Variants in NUP58 observed in about 807,000 individuals in gnomAD.
NUP58 encodes the protein nucleoporin p58/p45.
Under a neutral mutation model 70.1 loss-of-function variants are expected in NUP58, and 17 were observed. The ratio of observed to expected loss-of-function variants is 0.24; its 90% confidence interval spans 0.17 to 0.36. The LOEUF (loss-of-function observed/expected upper bound fraction) is 0.36, where lower values mean the gene tolerates loss of function less well. Among genes scored for constraint, NUP58 ranks in the 10% least tolerant of loss-of-function variants. The pLI is 1.00. For missense variants in NUP58, 644 were observed against 701.5 expected (o/e 0.92, Z 0.93); for synonymous variants, 275 against 257.6 (o/e 1.07, Z -0.65).
chr13:25,330,089 A>G (rs865774748), intron 12 of NUP58, among the ~76,000 whole-genome samples: 1 of 152,188 alleles, frequency 6.6e-6, no homozygotes, highest in South Asian at 2.1e-4. Context: ...AGACCTCCCT[A>G]AGGGCTGGGA....
Position 25,320,689 on chromosome 13 carries a change from A to T in NUP58, c.776+94A>T, listed in dbSNP as rs118044867. 301 of 918,664 alleles carry T rather than the reference A, an allele frequency of 3.3e-4. 2 individuals carry two copies. The East Asian group carries it at 7.8e-3, about 24-fold the overall frequency. The allele number at this position is 918,664 out of a possible 1,614,324, so 56.9% of individuals were successfully genotyped here. A position where few individuals can be genotyped will look rare whatever the true frequency, so the allele number is the denominator to read the frequency against. On this transcript the variant is annotated intron_variant, in intron 8 of 15. Coordinates refer to ENST00000381736, the MANE Select transcript of NUP58 (RefSeq NM_014089.4). The stretch of plus-strand genomic sequence containing the variant: ...TCTTCCTCCTAAAATCGCATCCTAG[A>T]GGAGCATCTCTTAACTAGGGTTAAA...
chr13:25,327,113 A>C, intron 11 of NUP58, 79 bp downstream of exon 11: 1 of 778,334 alleles, frequency 1.3e-6, no homozygotes, highest in East Asian at 2.6e-5. Flanking sequence ...GGTATTTTGG[A>C]TAACTACTGG....
chr13:25,302,002 A>G, intron 1 of NUP58, 122 bp downstream of exon 1: 1 of 681,364 alleles, frequency 1.5e-6, no homozygotes, highest in South Asian at 1.9e-5. Flanking sequence ...GCTGGAGAGA[A>G]GCACTTAATC....
downstream of NUP58, among the ~76,000 whole-genome samples, chr13:25,346,137 A>T (rs992249838): frequency 6.6e-6 from 1 of 152,222 alleles, no homozygotes; most frequent in Non-Finnish European, 1.5e-5. Context: ...ATATAAATAC[A>T]TATGGGTAGG....
chr13:25,325,472 T>C (rs1169550438), intron 10 of NUP58, among the ~76,000 whole-genome samples: 1 of 152,230 alleles, frequency 6.6e-6, no homozygotes, highest in Non-Finnish European at 1.5e-5. Flanking sequence ...TCACTCAGCT[T>C]GTATATATAC....
chr13:25,343,862 C>A (rs769340060), downstream of NUP58, among the ~76,000 whole-genome samples: 2 of 129,186 alleles, frequency 1.5e-5, no homozygotes, highest in Non-Finnish European at 3.2e-5. Context: ...CACATACATA[C>A]ACACACACAC....
intron 15 of NUP58, among the ~76,000 whole-genome samples, chr13:25,339,376 T>G (rs2137839332): frequency 6.6e-6 from 1 of 152,334 alleles, no homozygotes; most frequent in East Asian, 1.9e-4. Flanking sequence ...GCGTTTAAAA[T>G]CAGCAGTTCC....
Position 25,301,868 on chromosome 13 carries a change from C to T in NUP58, c.95C>T (p.Thr32Met), listed in dbSNP as rs145750901. The stretch of plus-strand genomic sequence containing the variant: ...ACAGGCGGCGTTTTCTCCTTCGGAA[C>T]GGGAGCGTCTAGGTAACCGCACTTT... ...TSTGGVFSFG[T>M]GASSNPSVGL... The change falls in exon 1 of 16, where the codon ACG (threonine) becomes ATG (methionine). Residue 32 changes from threonine to methionine, a missense_variant. Transcript: ENST00000381736. 36 of 1,612,240 alleles carry T rather than the reference C, an allele frequency of 2.2e-5. No individual in the cohort carries two copies. In the African/African-American group the frequency reaches 4.3e-4, roughly 19 times the overall value.
At position 25,315,279 on chromosome 13, in the gene NUP58, G is replaced by A. The variant is rs1380434879; in HGVS notation, c.575-78G>A. 1.1e-5 allele frequency: 11 copies of A among 976,480 alleles called. No homozygotes were observed. In the Admixed American group the frequency reaches 1.6e-4, roughly 14 times the overall value. The allele number at this position is 976,480 out of a possible 1,614,324, so 60.5% of individuals were successfully genotyped here. On this transcript the variant is annotated intron_variant, in intron 5 of 15. Coordinates refer to ENST00000381736, the MANE Select transcript of NUP58 (RefSeq NM_014089.4). ...GAAAATCTAGGATCCAACTTTAAAA[G>A]CATTAGAGTCCTTTGATCAGTAAGG...
chr13:25,307,680 T>C (rs1413070373), intron 1 of NUP58, 126 bp from the exon 2 acceptor site: 20 of 854,492 alleles, frequency 2.3e-5, no homozygotes, highest in Middle Eastern at 3.3e-4. Flanking sequence ...GACAATGTAT[T>C]AGATATGTTA....
intron 3 of NUP58, among the ~76,000 whole-genome samples, chr13:25,312,469 G>A (rs1311956859): frequency 6.6e-6 from 1 of 152,134 alleles, no homozygotes; most frequent in African/African-American, 2.4e-5. Context: ...CCAGGTTCAA[G>A]TGACTCTCGT....
intron 5 of NUP58, among the ~76,000 whole-genome samples, chr13:25,314,657 T>G (rs1323512926): frequency 6.6e-6 from 1 of 152,134 alleles, no homozygotes; most frequent in Non-Finnish European, 1.5e-5. Flanking sequence ...ATCATGCCAT[T>G]GCACTCCAGC....
chr13:25,334,916 A>C, intron 13 of NUP58: 1 of 985,024 alleles, frequency 1.0e-6, no homozygotes, highest in South Asian at 4.7e-5. Context: ...TTATGGAAAT[A>C]AGAACCTCTC....
chr13:25,326,081 A>G (rs1463943756), intron 10 of NUP58, among the ~76,000 whole-genome samples: 2 of 152,162 alleles, frequency 1.3e-5, no homozygotes, highest in Non-Finnish European at 2.9e-5. Flanking sequence ...AAAGTACTTC[A>G]GTGGATATTT....
At chr13:25,307,314 G>A (rs1395431902) in intron 1 of NUP58, among the ~76,000 whole-genome samples, 1 of 143,162 alleles carries the variant, frequency 7.0e-6, no homozygotes, top group Non-Finnish European at 1.5e-5. Flanking sequence ...CCGGGTTCAA[G>A]CAATTCTCCT....
At position 25,325,794 on chromosome 13, in the gene NUP58, A is replaced by ATT. The variant is rs546666780; in HGVS notation, c.1031+726_1031+727insTT. Among the ~76,000 whole-genome samples, 73 of 152,264 alleles carry ATT rather than the reference A, an allele frequency of 4.8e-4. 1 individual carries two copies. The highest frequency in any genetic ancestry group is 4.6e-3 in the East Asian group (24 of 5,174). On this transcript the variant is annotated intron_variant, in intron 10 of 15. Transcript: ENST00000381736. ...TGTTGCCTAGGCTGGTCCTAGGCTAAAGTGATTCTCCCGCCTCAGACTCCT... is the reference window on the plus strand; with the variant it reads ...TGTTGCCTAGGCTGGTCCTAGGCTAATTAGTGATTCTCCCGCCTCAGACTCCT...
chr13:25,343,466 C>CT (rs59695355), downstream of NUP58, among the ~76,000 whole-genome samples: 1,631 of 141,988 alleles, frequency 0.011, 34 homozygotes, highest in African/African-American at 0.034. Flanking sequence ...TAATTCATTC[C>CT]TTTTTTTTTT....
At chr13:25,307,211 ATTTTTTTTTTT>A (rs72132780) in intron 1 of NUP58, among the ~76,000 whole-genome samples, 2 of 98,606 alleles carry the variant, frequency 2.0e-5, no homozygotes, top group Non-Finnish European at 3.8e-5. Flanking sequence ...CTGGTATTGT[ATTTTTTTTTTT>A]TTTTTTTTTT....
At position 25,340,475 on chromosome 13, in the gene NUP58, A is replaced by G. The variant is rs1047655730; in HGVS notation, c.*341A>G. On this transcript the variant is annotated 3_prime_UTR_variant, in exon 16 of 16. Transcript: ENST00000381736. ...GTTTACATTATGTGAATACATGCACATTTGTTTCTTATACAGGTGGTGTGA... is the reference window on the plus strand; with the variant it reads ...GTTTACATTATGTGAATACATGCACGTTTGTTTCTTATACAGGTGGTGTGA... The G allele has an allele frequency of 1.7e-5, 3 of 173,770 alleles. No homozygotes were observed. Among genetic ancestry groups the G allele is most frequent in the Non-Finnish European group, 3.6e-5 (3 of 83,000 alleles). 10.8% of individuals were successfully genotyped at this position (173,770 alleles called of 1,614,324 possible).
Sources: allele counts gnomAD v4.1 joint callset (sites outside exome capture counted in the v4.1 genomes callset), GRCh38; gene constraint gnomAD v4.1.1; transcripts MANE v1.5; gene names NCBI Gene and HGNC (gene_info 2026-07-23, HGNC 2026-07-21).